The following VWC2 variants were observed in gnomAD, a reference collection of about 807,000 sequenced individuals.
VWC2 encodes von Willebrand factor C domain containing 2.
In VWC2, 14 loss-of-function variants were observed where a neutral mutation model predicts 29.8. The ratio of observed to expected loss-of-function variants is 0.47; its 90% confidence interval spans 0.31 to 0.74. VWC2 has a LOEUF of 0.74. Among genes scored for constraint, VWC2 ranks in the 30% least tolerant of loss-of-function variants. The probability of loss-of-function intolerance (pLI) is 0.05; values close to 1 mark genes in which losing one functional copy is unlikely to be tolerated. For synonymous variants in VWC2, 213 were observed against 199.0 expected (o/e 1.07, Z -0.59); for missense variants, 457 against 459.8 (o/e 0.99, Z 0.05).
At chr7:49,784,377 A>T (rs1788248765) in intron 2 of VWC2, among the ~76,000 whole-genome samples, 3 of 152,246 alleles carry the variant, frequency 2.0e-5, no homozygotes, top group African/African-American at 4.8e-5. Flanking sequence ...AATAAGAGAA[A>T]TTAATTTCTA....
chr7:49,851,243 G>A (rs1790168349), intron 3 of VWC2, among the ~76,000 whole-genome samples: 1 of 152,146 alleles, frequency 6.6e-6, no homozygotes, highest in Admixed American at 6.5e-5. Flanking sequence ...CTTGTCATTG[G>A]ATTTAGGGCC....
chr7:49,875,848 C>T (rs976455987), intron 3 of VWC2, among the ~76,000 whole-genome samples: 2 of 152,142 alleles, frequency 1.3e-5, no homozygotes, highest in African/African-American at 2.4e-5. Context: ...GCTGCAGGCT[C>T]CATGAGCAAG....
chr7:49,805,981 G>T (rs1373783389), intron 3 of VWC2, among the ~76,000 whole-genome samples: 1 of 152,164 alleles, frequency 6.6e-6, no homozygotes, highest in Non-Finnish European at 1.5e-5. Flanking sequence ...ATAAATAAAT[G>T]ATCACAAATC....
chr7:49,815,853 C>T (rs1583646694), intron 3 of VWC2, among the ~76,000 whole-genome samples: 1 of 152,286 alleles, frequency 6.6e-6, no homozygotes, highest in East Asian at 1.9e-4. Flanking sequence ...ATTCATTCAA[C>T]AGATAATGAC....
chr7:49,878,516 T>C (rs952233046), intron 3 of VWC2, among the ~76,000 whole-genome samples: 4 of 152,198 alleles, frequency 2.6e-5, no homozygotes, highest in African/African-American at 9.6e-5. Flanking sequence ...CTTTCAAAAC[T>C]CTGAAGGTAT....
chr7:49,886,213 A>C (rs918223038), intron 3 of VWC2, among the ~76,000 whole-genome samples: 7 of 152,306 alleles, frequency 4.6e-5, no homozygotes, highest in Non-Finnish European at 1.0e-4. Flanking sequence ...GACCTTGGTA[A>C]GCTGTGCTTC....
chr7:49,853,428 C>T (rs1280486127), intron 3 of VWC2, among the ~76,000 whole-genome samples: 4 of 152,210 alleles, frequency 2.6e-5, no homozygotes, highest in Non-Finnish European at 5.9e-5. Flanking sequence ...GTGCCAGGAG[C>T]TCTGCTGGGC....
At chr7:49,835,325 T>C (rs936468710) in intron 3 of VWC2, among the ~76,000 whole-genome samples, 1 of 152,330 alleles carries the variant, frequency 6.6e-6, no homozygotes, top group Middle Eastern at 3.4e-3. Flanking sequence ...TAAAGGGGGC[T>C]CACATTCCTC....
At chr7:49,844,108 G>A (rs1332458331) in intron 3 of VWC2, among the ~76,000 whole-genome samples, 1 of 152,164 alleles carries the variant, frequency 6.6e-6, no homozygotes, top group Non-Finnish European at 1.5e-5. Flanking sequence ...GGCAACAGGT[G>A]GATGAATGTG....
chr7:49,831,683 G>A (rs983425981), intron 3 of VWC2, among the ~76,000 whole-genome samples: 21 of 152,172 alleles, frequency 1.4e-4, no homozygotes, highest in Admixed American at 7.9e-4. Flanking sequence ...TAGCTACAAT[G>A]AGAAGAGTTC....
At chr7:49,877,481 A>AAAAAAAATACATAT in intron 3 of VWC2, among the ~76,000 whole-genome samples, 1 of 12,722 alleles carries the variant, frequency 7.9e-5, no homozygotes, top group Non-Finnish European at 1.4e-4. Flanking sequence ...AAAAAAAAAA[A>AAAAAAAATACATAT]ATATATATAT....
At chr7:49,875,898 C>T (rs910767390) in intron 3 of VWC2, among the ~76,000 whole-genome samples, 1 of 152,120 alleles carries the variant, frequency 6.6e-6, no homozygotes, top group Non-Finnish European at 1.5e-5. Context: ...TCCCTGGCAT[C>T]GACTATGATA....
At chr7:49,886,314 C>T (rs1055292311) in intron 3 of VWC2, among the ~76,000 whole-genome samples, 6 of 151,468 alleles carry the variant, frequency 4.0e-5, no homozygotes, top group Middle Eastern at 3.4e-3. Flanking sequence ...TATTTGGAAG[C>T]GCAAAATTCA....
At chr7:49,803,682 GTGGGTTGC>G (rs1485458166) in intron 3 of VWC2, among the ~76,000 whole-genome samples, 1 of 152,196 alleles carries the variant, frequency 6.6e-6, no homozygotes, top group Non-Finnish European at 1.5e-5. Flanking sequence ...GGCCGTTCAT[GTGGGTTGC>G]TGGACCGAGG....
At chr7:49,855,704 G>A (rs1269872383) in intron 3 of VWC2, among the ~76,000 whole-genome samples, 1 of 152,130 alleles carries the variant, frequency 6.6e-6, no homozygotes, top group African/African-American at 2.4e-5. Context: ...TGTGAATCAG[G>A]CAAAAACGAG....
intron 3 of VWC2, among the ~76,000 whole-genome samples, chr7:49,870,383 C>T (rs560008197): frequency 7.5e-4 from 114 of 152,210 alleles, no homozygotes; most frequent in African/African-American, 2.6e-3. Flanking sequence ...CTGGGTGACG[C>T]AGTGAGACTC....
At chr7:49,821,496 G>A (rs1476581777) in intron 3 of VWC2, among the ~76,000 whole-genome samples, 2 of 152,078 alleles carry the variant, frequency 1.3e-5, no homozygotes, top group Non-Finnish European at 2.9e-5. Context: ...TAATAGTTGT[G>A]CAAAAAGTAA....
At chr7:49,867,053 G>A (rs534834753) in intron 3 of VWC2, among the ~76,000 whole-genome samples, 10 of 152,136 alleles carry the variant, frequency 6.6e-5, no homozygotes, top group Admixed American at 2.0e-4. Context: ...TAACCATCTC[G>A]TTAGAGAGAC....
intron 3 of VWC2, among the ~76,000 whole-genome samples, chr7:49,875,338 C>T (rs1470671656): frequency 1.8e-5 from 2 of 112,776 alleles, no homozygotes; most frequent in Non-Finnish European, 3.3e-5. Context: ...CCACTGCTCT[C>T]CAGCCTGGGT....
Sources: allele counts gnomAD v4.1 joint callset (sites outside exome capture counted in the v4.1 genomes callset), GRCh38; gene constraint gnomAD v4.1.1; transcripts MANE v1.5; gene names NCBI Gene and HGNC (gene_info 2026-07-23, HGNC 2026-07-21).